MIPOL1: variants seen among roughly 807,000 people sequenced by gnomAD.
MIPOL1 encodes mirror-image polydactyly 1.
A neutral mutation model predicts 60.9 loss-of-function variants in MIPOL1; 57 were observed. The ratio of observed to expected loss-of-function variants is 0.94; its 90% CI spans 0.76 to 1.17. The LOEUF (loss-of-function observed/expected upper bound fraction) is 1.17, where lower values mean the gene tolerates loss of function less well. MIPOL1 is among the 50% of genes most tolerant of loss of function. MIPOL1 has a pLI of 0.00. For synonymous variants in MIPOL1, 179 were observed against 168.8 expected, an observed-to-expected ratio of 1.06 and a Z score of -0.47; for missense variants, 551 against 511.6, an observed-to-expected ratio of 1.08 and a Z score of -0.74.
At chr14:37,216,746 A>G (rs867906985) in intron 1 of MIPOL1, among the ~76,000 whole-genome samples, 1 of 152,182 alleles carries the variant, frequency 6.6e-6, no homozygotes, top group Non-Finnish European at 1.5e-5. Flanking sequence ...ATGATAATGG[A>G]AACACAACAT....
At chr14:37,452,996 A>T (rs2094439326) in intron 11 of MIPOL1, among the ~76,000 whole-genome samples, 1 of 152,212 alleles carries the variant, frequency 6.6e-6, no homozygotes, top group Non-Finnish European at 1.5e-5. Context: ...AGGCAATGGT[A>T]TTAAGAAGCA....
chr14:37,503,921 G>T (rs1256659757), intron 12 of MIPOL1: 1 of 152,054 alleles, frequency 6.6e-6, no homozygotes, highest in Non-Finnish European at 1.5e-5. Flanking sequence ...GATCTACCAA[G>T]CAAATGGAAA....
At chr14:37,204,079 G>GC (rs1215534859) in intron 1 of MIPOL1, among the ~76,000 whole-genome samples, 2 of 151,980 alleles carry the variant, frequency 1.3e-5, no homozygotes, top group Non-Finnish European at 2.9e-5. Context: ...ACTGCGCCCA[G>GC]CCCCCTCAGG....
chr14:37,539,596 C>A (rs111560522), intron 12 of MIPOL1, among the ~76,000 whole-genome samples: 1 of 152,172 alleles, frequency 6.6e-6, no homozygotes, highest in African/African-American at 2.4e-5. Flanking sequence ...AATTTATTAA[C>A]CTATACAAAG....
At chr14:37,437,694 C>G (rs77241455) in intron 11 of MIPOL1, among the ~76,000 whole-genome samples, 106 of 152,190 alleles carry the variant, frequency 7.0e-4, no homozygotes, top group African/African-American at 2.5e-3. Context: ...GGTAATTAAC[C>G]TCTCAAAGCC....
chr14:37,476,529 A>G (rs559822863), intron 11 of MIPOL1, among the ~76,000 whole-genome samples: 1 of 152,340 alleles, frequency 6.6e-6, no homozygotes, highest in Non-Finnish European at 1.5e-5. Context: ...GGGGTAAAGC[A>G]TCTAATATCC....
intron 6 of MIPOL1, among the ~76,000 whole-genome samples, chr14:37,283,008 C>T (rs999778558): frequency 2.0e-5 from 3 of 151,996 alleles, no homozygotes; most frequent in East Asian, 1.9e-4. Flanking sequence ...ACAGATAAAA[C>T]GGGACTACTG....
At chr14:37,407,087 G>A (rs1431023654) in intron 10 of MIPOL1, among the ~76,000 whole-genome samples, 1 of 152,040 alleles carries the variant, frequency 6.6e-6, no homozygotes, top group Admixed American at 6.5e-5. Context: ...AATTGCAAAA[G>A]GCTTAAGTAA....
intron 10 of MIPOL1, among the ~76,000 whole-genome samples, chr14:37,410,285 C>T (rs1373810862): frequency 2.2e-4 from 33 of 151,980 alleles, no homozygotes; most frequent in Admixed American, 2.2e-3. Flanking sequence ...TGCAGCATAC[C>T]AGCATGGCAC....
intron 1 of MIPOL1, among the ~76,000 whole-genome samples, chr14:37,242,199 T>C (rs1376141144): frequency 6.6e-6 from 1 of 151,886 alleles, no homozygotes; most frequent in East Asian, 1.9e-4. Context: ...AACCAAATTA[T>C]ACCTATAAAT....
At chr14:37,280,365 C>G (rs1378444689) in intron 6 of MIPOL1, among the ~76,000 whole-genome samples, 1 of 152,126 alleles carries the variant, frequency 6.6e-6, no homozygotes, top group African/African-American at 2.4e-5. Flanking sequence ...CACATGGTAA[C>G]TCTACTTTTA....
chr14:37,323,169 C>T (rs1026651387), intron 9 of MIPOL1, among the ~76,000 whole-genome samples: 1 of 151,836 alleles, frequency 6.6e-6, no homozygotes, highest in Admixed American at 6.6e-5. Context: ...GTAAAGAAGG[C>T]ATCCAGTTTC....
intron 12 of MIPOL1, among the ~76,000 whole-genome samples, chr14:37,543,018 C>T (rs560812569): frequency 4.6e-5 from 7 of 152,098 alleles, no homozygotes; most frequent in Non-Finnish European, 7.4e-5. Context: ...TACTCCCCAG[C>T]GAAAATCTAC....
intron 1 of MIPOL1, among the ~76,000 whole-genome samples, chr14:37,211,615 A>G (rs187854627): frequency 2.6e-4 from 40 of 152,194 alleles, no homozygotes; most frequent in African/African-American, 9.6e-4. Context: ...CTATGTCTCC[A>G]TATAAACTTG....
intron 6 of MIPOL1, among the ~76,000 whole-genome samples, chr14:37,279,494 T>A (rs1208388764): frequency 6.6e-6 from 1 of 151,966 alleles, no homozygotes; most frequent in Non-Finnish European, 1.5e-5. Context: ...TGCATATTGA[T>A]CCTTCAAAAG....
At chr14:37,200,716 G>T (rs1232859005) in intron 1 of MIPOL1, among the ~76,000 whole-genome samples, 2 of 133,994 alleles carry the variant, frequency 1.5e-5, no homozygotes, top group African/African-American at 5.8e-5. Context: ...GATTTGAGTT[G>T]TGGGCCATAG....
At chr14:37,332,418 A>C (rs2089773300) in intron 9 of MIPOL1, among the ~76,000 whole-genome samples, 1 of 152,176 alleles carries the variant, frequency 6.6e-6, no homozygotes, top group South Asian at 2.1e-4. Flanking sequence ...TCACTTGATC[A>C]TGTTGAATCA....
At chr14:37,373,356 A>G (rs1313190057) in intron 10 of MIPOL1, among the ~76,000 whole-genome samples, 1 of 152,086 alleles carries the variant, frequency 6.6e-6, no homozygotes, top group African/African-American at 2.4e-5. Flanking sequence ...ATATGTAGAC[A>G]TCAAACTTAG....
chr14:37,431,569 C>CTTTTTTTTTTTTTTTTTTTTTT, intron 11 of MIPOL1, among the ~76,000 whole-genome samples: 1 of 64,830 alleles, frequency 1.5e-5, no homozygotes, highest in Non-Finnish European at 2.6e-5. Flanking sequence ...ATCTCTGTTT[C>CTTTTTTTTTTTTTTTTTTTTTT]TTTTTTTTTT....
Sources: allele counts gnomAD v4.1 joint callset (sites outside exome capture counted in the v4.1 genomes callset), GRCh38; gene constraint gnomAD v4.1.1; transcripts MANE v1.5; gene names NCBI Gene and HGNC (gene_info 2026-07-23, HGNC 2026-07-21).